Variants in MTUS1 observed in about 807,000 individuals in gnomAD.
MTUS1 encodes microtubule associated scaffold protein 1, also known as microtubule-associated tumor suppressor 1.
Under a neutral mutation model 120.8 loss-of-function variants are expected in MTUS1, and 109 were observed. The ratio of observed to expected loss-of-function variants is 0.90; its 90% CI spans 0.77 to 1.06. The LOEUF is 1.06. MTUS1 is among the 50% of genes least tolerant of loss of function. The pLI is 0.00. For synonymous variants in MTUS1, 737 were observed against 550.5 expected (o/e 1.34, Z -4.74); for missense variants, 2,210 against 1,486.3 (o/e 1.49, Z -8.01).
chr8:17,712,786 G>C (rs1037453575), intron 6 of MTUS1, among the ~76,000 whole-genome samples: 1 of 40,508 alleles, frequency 2.5e-5, no homozygotes, highest in East Asian at 3.9e-4. Flanking sequence ...GAGGCTGCAG[G>C]CTATCTTGGG....
chr8:17,685,215 C>G (rs1295610918), intron 6 of MTUS1, among the ~76,000 whole-genome samples: 1 of 150,668 alleles, frequency 6.6e-6, no homozygotes, highest in South Asian at 2.2e-4. Flanking sequence ...ACGGCTTACA[C>G]AGTTTTTTTT....
chr8:17,650,361 A>C (rs1806723079), intron 12 of MTUS1, among the ~76,000 whole-genome samples: 2 of 152,188 alleles, frequency 1.3e-5, no homozygotes, highest in Admixed American at 1.3e-4. Flanking sequence ...GGAAAGAAAA[A>C]GCAGTGCATT....
rs899929922 is a variant in MTUS1 at position 17,645,911 on chromosome 8, G to T, written c.*15C>A. The T allele has an allele frequency of 1.2e-6, 2 of 1,606,024 alleles. No individual in the cohort carries two copies. Among genetic ancestry groups the T allele is most frequent in the African/African-American group, 2.7e-5 (2 of 74,834 alleles). On this transcript the variant is annotated 3_prime_UTR_variant, in exon 15 of 15. Coordinates refer to ENST00000693296, the MANE Select transcript of MTUS1 (RefSeq NM_001363059.2). ...TCAAAATGCTTTCAGAGAGTCTGTG[G>T]ACTTTGGGGAGGTGTCATCTGGGTG... is the stretch of plus-strand genomic sequence containing the variant.
chr8:17,712,305 A>G (rs1006917987), intron 6 of MTUS1, among the ~76,000 whole-genome samples: 7 of 152,010 alleles, frequency 4.6e-5, no homozygotes, highest in Non-Finnish European at 8.8e-5. Flanking sequence ...GGCAGTGTAC[A>G]GGAGACCTTA....
At chr8:17,776,226 T>C (rs1231760371) in intron 1 of MTUS1, among the ~76,000 whole-genome samples, 2 of 151,930 alleles carry the variant, frequency 1.3e-5, no homozygotes, top group African/African-American at 2.4e-5. Flanking sequence ...GTATTAAAAG[T>C]AACCTAGAGA....
chr8:17,762,634 A>T (rs930823406), intron 1 of MTUS1, among the ~76,000 whole-genome samples: 1 of 152,238 alleles, frequency 6.6e-6, no homozygotes, highest in Non-Finnish European at 1.5e-5. Flanking sequence ...ACTAGAGTTG[A>T]TTTAATGCAT....
At chr8:17,658,213 T>G (rs867026109) in intron 8 of MTUS1, among the ~76,000 whole-genome samples, 2 of 152,128 alleles carry the variant, frequency 1.3e-5, no homozygotes, top group Non-Finnish European at 2.9e-5. Flanking sequence ...ATTTTTGTAT[T>G]TTAGTAGACA....
In MTUS1 at chr8:17,645,890, A is replaced by T; in HGVS notation, c.*36T>A. On this transcript the variant is annotated 3_prime_UTR_variant, in exon 15 of 15. Transcript: ENST00000693296. ...GGTCAGTCCTGCAGACCTGCATCAAAATGCTTTCAGAGAGTCTGTGGACTT... is the reference window on the plus strand; with the variant it reads ...GGTCAGTCCTGCAGACCTGCATCAATATGCTTTCAGAGAGTCTGTGGACTT... 6.3e-7 allele frequency: 1 copy of T among 1,591,448 alleles called. No individual in the cohort carries two copies. Among genetic ancestry groups the T allele is most frequent in the Non-Finnish European group, 8.5e-7 (1 of 1,169,630 alleles).
At position 17,713,069 on chromosome 8, in the gene MTUS1, C is replaced by A. The variant is rs149902127; in HGVS notation, c.2623+145G>T. ...ATGCTTACCGTATTTTAATGCTATG[C>A]GACCCGTCATAAAAAGTTAGGTTTA... On this transcript the variant is annotated intron_variant, in intron 6 of 14. Transcript: ENST00000693296. 1.1e-3 allele frequency: 791 copies of A among 690,804 alleles called. 5 individuals carry two copies. In the African/African-American group the frequency reaches 0.013, roughly 12 times the overall value. The allele number at this position is 690,804 out of a possible 1,614,324, so 42.8% of individuals were successfully genotyped here.
At chr8:17,656,247 G>A (rs1238596668) in intron 8 of MTUS1, among the ~76,000 whole-genome samples, 182 bp from the exon 9 acceptor site, 3 of 152,174 alleles carry the variant, frequency 2.0e-5, no homozygotes, top group Non-Finnish European at 4.4e-5. Flanking sequence ...GAACACGAGG[G>A]CAGGGCGCAG....
At chr8:17,790,137 A>G (rs1244393369) in intron 1 of MTUS1, among the ~76,000 whole-genome samples, 2 of 152,058 alleles carry the variant, frequency 1.3e-5, no homozygotes, top group Non-Finnish European at 2.9e-5. Context: ...TCACAAGATC[A>G]GGAAATCAAG....
intron 8 of MTUS1, among the ~76,000 whole-genome samples, chr8:17,658,179 G>A (rs55798045): frequency 0.11 from 16,375 of 151,790 alleles, 1,040 homozygotes; most frequent in South Asian, 0.22. Context: ...CTGGGATTAC[G>A]GCACATGCCA....
chr8:17,740,067 C>T (rs996821504), intron 3 of MTUS1, among the ~76,000 whole-genome samples: 5 of 151,858 alleles, frequency 3.3e-5, no homozygotes, highest in African/African-American at 1.2e-4. Context: ...ATTAGTTGGG[C>T]GTGGTGGTGG....
intron 6 of MTUS1, among the ~76,000 whole-genome samples, chr8:17,705,493 T>C (rs1819979639): frequency 6.6e-6 from 1 of 152,178 alleles, no homozygotes. Flanking sequence ...CTCAAGAAGA[T>C]TTACTAAATG....
Position 17,683,529 on chromosome 8 carries a change from C to T in MTUS1, c.2838+799G>A, listed in dbSNP as rs550193300. Among the ~76,000 whole-genome samples, 221 of 152,240 alleles carry T rather than the reference C, an allele frequency of 1.5e-3. 1 individual carries two copies. Among genetic ancestry groups the T allele is most frequent in the Non-Finnish European group, 1.6e-3 (108 of 68,010 alleles). On this transcript the variant is annotated intron_variant, in intron 7 of 14. Coordinates refer to ENST00000693296, the MANE Select transcript of MTUS1 (RefSeq NM_001363059.2). ...CTGGTCTTGAACTCCTGACCACAAG[C>T]GATCCTCCCTCCTCGTCTTCCCAAA...
At chr8:17,771,265 C>T (rs1307598381) in intron 1 of MTUS1, among the ~76,000 whole-genome samples, 1 of 152,174 alleles carries the variant, frequency 6.6e-6, no homozygotes, top group Non-Finnish European at 1.5e-5. Context: ...TTCACCATCT[C>T]AGGTCAATGA....
At chr8:17,743,970 G>T (rs2047536127) in intron 2 of MTUS1, among the ~76,000 whole-genome samples, 171 bp from the exon 3 acceptor site, 1 of 152,124 alleles carries the variant, frequency 6.6e-6, no homozygotes, top group African/African-American at 2.4e-5. Context: ...CCTCCCTTTA[G>T]AATTCAGGCA....
intron 1 of MTUS1, among the ~76,000 whole-genome samples, chr8:17,765,940 C>T (rs900664600): frequency 6.6e-6 from 1 of 152,038 alleles, no homozygotes; most frequent in Non-Finnish European, 1.5e-5. Context: ...TTCACAAATC[C>T]TCTCCACTAA....
intron 8 of MTUS1, among the ~76,000 whole-genome samples, chr8:17,669,409 A>T (rs1811551824): frequency 6.6e-6 from 1 of 152,182 alleles, no homozygotes; most frequent in Non-Finnish European, 1.5e-5. Context: ...GGGAGGGGAA[A>T]GGAGGTCTGA....
Sources: allele counts gnomAD v4.1 joint callset (sites outside exome capture counted in the v4.1 genomes callset), GRCh38; gene constraint gnomAD v4.1.1; transcripts MANE v1.5; gene names NCBI Gene and HGNC (gene_info 2026-07-23, HGNC 2026-07-21).